Variants in SNX29 observed in about 807,000 individuals in gnomAD.
SNX29 encodes sorting nexin-29.
A neutral mutation model predicts 102.1 loss-of-function variants in SNX29; 78 were observed. The ratio of observed to expected loss-of-function variants is 0.76; its 90% CI spans 0.64 to 0.92. SNX29 has a LOEUF of 0.92. Ranked by LOEUF, SNX29 falls within the 40% of genes least tolerant of loss-of-function variation. The pLI, the probability that SNX29 is intolerant of heterozygous loss-of-function variation, is 0.00. For missense variants in SNX29, 1,280 were observed against 1,061.7 expected, an observed-to-expected ratio of 1.21 and a Z score of -2.86; for synonymous variants, 580 against 414.5, an observed-to-expected ratio of 1.40 and a Z score of -4.85.
intron 20 of SNX29, among the ~76,000 whole-genome samples, chr16:12,540,488 C>T (rs943290450): frequency 2.0e-5 from 3 of 152,258 alleles, no homozygotes; most frequent in African/African-American, 4.8e-5. Flanking sequence ...AAGGTGTCGG[C>T]AGGGCTGGCG....
At chr16:12,142,352 C>G (rs2141512237) in intron 13 of SNX29, among the ~76,000 whole-genome samples, 1 of 151,664 alleles carries the variant, frequency 6.6e-6, no homozygotes, top group East Asian at 1.9e-4. Context: ...TTGTTAAGCA[C>G]ATGCTTGTCA....
chr16:12,526,662 G>A (rs916072364), intron 20 of SNX29: 3 of 522,006 alleles, frequency 5.7e-6, no homozygotes, highest in Non-Finnish European at 1.1e-5. Context: ...CTCTCGCGGA[G>A]TCATCACGCA....
intron 16 of SNX29, among the ~76,000 whole-genome samples, chr16:12,361,967 T>C (rs1403642099): frequency 6.6e-6 from 1 of 152,112 alleles, no homozygotes; most frequent in African/African-American, 2.4e-5. Flanking sequence ...TACATGTTAA[T>C]AACGAGCACA....
At chr16:12,208,265 A>C (rs1456266718) in intron 14 of SNX29, among the ~76,000 whole-genome samples, 2 of 152,054 alleles carry the variant, frequency 1.3e-5, no homozygotes, top group Non-Finnish European at 2.9e-5. Flanking sequence ...CAAGAACTCT[A>C]CCCACTGCAA....
intron 15 of SNX29, among the ~76,000 whole-genome samples, chr16:12,279,849 A>G (rs1357733033): frequency 6.6e-6 from 1 of 152,182 alleles, no homozygotes; most frequent in African/African-American, 2.4e-5. Flanking sequence ...GGGTTCTCAG[A>G]ATGAAAGTGC....
chr16:11,993,425 A>T (rs8052559), intron 1 of SNX29, among the ~76,000 whole-genome samples: 2 of 151,980 alleles, frequency 1.3e-5, no homozygotes, highest in African/African-American at 4.8e-5. Flanking sequence ...TTTGGAGAGA[A>T]GGTAGCTAGT....
intron 19 of SNX29, among the ~76,000 whole-genome samples, chr16:12,481,385 T>G (rs1474292355): frequency 6.8e-6 from 1 of 147,712 alleles, no homozygotes. Flanking sequence ...TTTATACATA[T>G]ATATATATAT....
At chr16:12,457,671 C>T (rs937356048) in intron 18 of SNX29, among the ~76,000 whole-genome samples, 1 of 152,194 alleles carries the variant, frequency 6.6e-6, no homozygotes, top group East Asian at 1.9e-4. Flanking sequence ...TTGGACCAGG[C>T]AAAATGGCAC....
At chr16:11,998,845 G>A (rs753992242) in intron 1 of SNX29, among the ~76,000 whole-genome samples, 1 of 148,770 alleles carries the variant, frequency 6.7e-6, no homozygotes, top group Non-Finnish European at 1.5e-5. Context: ...GGAGATGATA[G>A]TGAGAACAGC....
At chr16:12,072,266 T>C (rs199691165) in intron 10 of SNX29, among the ~76,000 whole-genome samples, 17 of 152,248 alleles carry the variant, frequency 1.1e-4, no homozygotes, top group Non-Finnish European at 2.1e-4. Context: ...GGGAATGCTT[T>C]CAGTTTTTGC....
chr16:12,122,437 C>T (rs1370917904), intron 11 of SNX29, among the ~76,000 whole-genome samples: 1 of 152,014 alleles, frequency 6.6e-6, no homozygotes, highest in African/African-American at 2.4e-5. Flanking sequence ...CCACGGACTC[C>T]CACGACTGCT....
intron 16 of SNX29, among the ~76,000 whole-genome samples, chr16:12,389,693 A>AG (rs1218856037): frequency 1.3e-5 from 2 of 152,218 alleles, no homozygotes; most frequent in Non-Finnish European, 2.9e-5. Flanking sequence ...TTAGCAACTC[A>AG]GTAGGGGTAA....
chr16:12,356,127 GCCTCTAAGCCTCA>G, intron 15 of SNX29, 23 bp from the exon 16 acceptor site: 1 of 1,584,980 alleles, frequency 6.3e-7, no homozygotes, highest in African/African-American at 1.3e-5. Flanking sequence ...GGGAATGTCT[GCCTCTAAGCCTCA>G]CCTTTCCGTG....
chr16:12,231,986 T>A (rs1212246518), intron 14 of SNX29, among the ~76,000 whole-genome samples: 1 of 152,242 alleles, frequency 6.6e-6, no homozygotes, highest in African/African-American at 2.4e-5. Context: ...GGACTTGGTA[T>A]CAATAAAGAT....
At chr16:12,166,723 A>G (rs1278969764) in intron 13 of SNX29, among the ~76,000 whole-genome samples, 2 of 152,092 alleles carry the variant, frequency 1.3e-5, no homozygotes, top group Non-Finnish European at 2.9e-5. Flanking sequence ...TTGTTTGATG[A>G]TTGCCACCAG....
In SNX29 at chr16:12,547,227, G is replaced by C. The variant is rs62028162; in HGVS notation, c.2319-21279G>C. On this transcript the variant is annotated intron_variant, in intron 20 of 20. Transcript: ENST00000566228. ...CCGAAGTGGAGACCTGAGGCAGGGA[G>C]CCAGGCAGTGGACACAGCAGGTGCA... is the stretch of plus-strand genomic sequence containing the variant. Among the ~76,000 whole-genome samples, 412 of 152,344 alleles carry C rather than the reference G, an allele frequency of 2.7e-3. 1 individual carries two copies. Among genetic ancestry groups the C allele is most frequent in the Non-Finnish European group, 4.3e-3 (291 of 68,034 alleles).
At chr16:12,268,646 A>G (rs1031998329) in intron 14 of SNX29, among the ~76,000 whole-genome samples, 2 of 152,176 alleles carry the variant, frequency 1.3e-5, no homozygotes, top group Non-Finnish European at 2.9e-5. Context: ...GCCCGTTGTT[A>G]TGGGACCTGG....
At position 12,572,045 on chromosome 16, in the gene SNX29, G is replaced by A; in HGVS notation, c.*3416G>A. ...ATAAAAGGGATCATCCAGTGGAGTT[G>A]TAAACAAGGGAACCATCTTGCAAGA... is the stretch of plus-strand genomic sequence containing the variant. On this transcript the variant is annotated 3_prime_UTR_variant, in exon 21 of 21. Coordinates refer to ENST00000566228, the MANE Select transcript of SNX29 (RefSeq NM_032167.5). 2 of 1,063,572 alleles carry A rather than the reference G, an allele frequency of 1.9e-6. No homozygotes were observed. The highest frequency in any genetic ancestry group is 2.3e-6 in the Non-Finnish European group (2 of 878,172). 65.9% of individuals were successfully genotyped at this position (1,063,572 alleles called of 1,614,324 possible).
intron 19 of SNX29, among the ~76,000 whole-genome samples, chr16:12,496,974 C>G (rs1054077053): frequency 2.0e-5 from 3 of 152,182 alleles, no homozygotes; most frequent in African/African-American, 7.2e-5. Context: ...GCTCCTGCCC[C>G]TCACCACTGT....
Sources: gnomAD v4.1 joint callset for allele counts (sites outside exome capture counted in the v4.1 genomes callset) on GRCh38, gnomAD v4.1.1 for gene constraint, MANE v1.5 for transcripts, NCBI Gene and HGNC (gene_info 2026-07-23, HGNC 2026-07-21) for gene names.